Variants in CCDC186 observed in about 807,000 individuals in gnomAD.
CCDC186 encodes the protein coiled-coil domain containing 186.
A neutral mutation model predicts 113.7 loss-of-function variants in CCDC186; 49 were observed. The observed-to-expected ratio is 0.43, with a 90% CI of 0.34 to 0.55. The LOEUF is 0.55. CCDC186 is among the 20% of genes least tolerant of loss of function. CCDC186 has a pLI of 0.02. For synonymous variants in CCDC186, 355 were observed against 345.8 expected (o/e 1.03, Z -0.30); for missense variants, 890 against 1,011.1 (o/e 0.88, Z 1.62).
At position 114,123,740 on chromosome 10, in the gene CCDC186, C is replaced by T. The variant is rs548784578; in HGVS notation, c.*1403G>A. 1.3e-5 allele frequency: 2 copies of T among 152,184 alleles called. No individual in the cohort carries two copies. Among genetic ancestry groups the T allele is most frequent in the East Asian group, 3.8e-4 (2 of 5,208 alleles). 9.4% of individuals were successfully genotyped at this position (152,184 alleles called of 1,614,324 possible). A position where few individuals can be genotyped will look rare whatever the true frequency, so the allele number is the denominator to read the frequency against. ...CAGAAATATTGATACTACGGCAACA[C>T]TTAAGTGTCTATCTTAAACACTGTA... On this transcript the variant is annotated 3_prime_UTR_variant, in exon 16 of 16. Transcript: ENST00000369287.
Position 114,145,773 on chromosome 10 carries a change from AT to A in CCDC186, c.889-13del. 6.4e-7 allele frequency: 1 copy of A among 1,567,580 alleles called. No individual in the cohort carries two copies. The highest frequency in any genetic ancestry group is 1.2e-5 in the South Asian group (1 of 82,828). On this transcript the variant is annotated splice_polypyrimidine_tract_variant and intron_variant, in intron 4 of 15. Coordinates refer to ENST00000369287, the MANE Select transcript of CCDC186 (RefSeq NM_018017.4). ...CATTTCTTGTTGGCCTTCAAAAAAA[AT>A]ATTACTTAGCATTAATGAAAAATAA...
At chr10:114,131,532 A>G (rs535643018) in intron 11 of CCDC186, among the ~76,000 whole-genome samples, 196 bp from the exon 12 acceptor site, 2 of 152,286 alleles carry the variant, frequency 1.3e-5, no homozygotes, top group African/African-American at 4.8e-5. Context: ...GGAGAATGTC[A>G]TTCTATACAT....
chr10:114,163,493 A>G (rs1484701976), intron 1 of CCDC186, among the ~76,000 whole-genome samples, 164 bp from the exon 2 acceptor site: 1 of 152,202 alleles, frequency 6.6e-6, no homozygotes, highest in African/African-American at 2.4e-5. Flanking sequence ...AGGACAGCTA[A>G]CCCAAGCTGG....
intron 14 of CCDC186, among the ~76,000 whole-genome samples, chr10:114,127,141 T>C (rs1302578148): frequency 6.6e-6 from 1 of 152,196 alleles, no homozygotes; most frequent in African/African-American, 2.4e-5. Context: ...CAACCCCATA[T>C]ATACCTCTTA....
intron 3 of CCDC186, among the ~76,000 whole-genome samples, chr10:114,156,596 G>A (rs1272304001): frequency 2.6e-5 from 4 of 152,102 alleles, no homozygotes; most frequent in Non-Finnish European, 4.4e-5. Flanking sequence ...TGTGGTTGGT[G>A]GCCGCCTATA....
chr10:114,130,470 C>T (rs1485948303), intron 12 of CCDC186: 2 of 153,010 alleles, frequency 1.3e-5, no homozygotes, highest in African/African-American at 4.8e-5. Flanking sequence ...GTATCCCAAG[C>T]ATATAGCACA....
At chr10:114,151,023 G>A (rs927825748) in intron 4 of CCDC186, 69 bp downstream of exon 4, 31 of 1,564,566 alleles carry the variant, frequency 2.0e-5, no homozygotes, top group Non-Finnish European at 2.5e-5. Flanking sequence ...GTCTAACAGT[G>A]TTAGCTTATT....
At chr10:114,143,228 T>C (rs1006025728) in intron 6 of CCDC186, among the ~76,000 whole-genome samples, 1 of 152,208 alleles carries the variant, frequency 6.6e-6, no homozygotes, top group African/African-American at 2.4e-5. Flanking sequence ...AAGCTGCCAT[T>C]AAGATCTCTT....
chr10:114,173,962 C>T, intron 1 of CCDC186, 53 bp downstream of exon 1: 1 of 461,690 alleles, frequency 2.2e-6, no homozygotes, highest in Non-Finnish European at 4.4e-6. Context: ...GCAGCCCCAC[C>T]GCACCGCCAC....
intron 3 of CCDC186, among the ~76,000 whole-genome samples, chr10:114,153,187 T>C (rs1417396717): frequency 6.6e-6 from 1 of 152,182 alleles, no homozygotes; most frequent in Non-Finnish European, 1.5e-5. Context: ...ACATGGAATA[T>C]TCCATGACAG....
At chr10:114,160,610 T>C (rs891406685) in intron 2 of CCDC186, among the ~76,000 whole-genome samples, 2 of 115,264 alleles carry the variant, frequency 1.7e-5, no homozygotes, top group African/African-American at 3.4e-5. Context: ...TCACGATGTA[T>C]ATCAAATCAT....
Position 114,126,117 on chromosome 10 carries a change from A to G in CCDC186, c.2394-12T>C. 6.2e-7 allele frequency: 1 copy of G among 1,604,934 alleles called. No individual in the cohort carries two copies. Among genetic ancestry groups the G allele is most frequent in the Non-Finnish European group, 8.5e-7 (1 of 1,172,204 alleles). On this transcript the variant is annotated splice_polypyrimidine_tract_variant and intron_variant, in intron 14 of 15. Transcript: ENST00000369287. ...AACTTTGAATTATTCTGCAAAACAA[A>G]ATGATAGTATCAGTTGTGTACTTGT...
At chr10:114,161,838 G>A (rs535448172) in intron 2 of CCDC186, 28 of 152,258 alleles carry the variant, frequency 1.8e-4, no homozygotes, top group Non-Finnish European at 4.1e-4. Context: ...TACATACAAT[G>A]CAATATTATT....
chr10:114,127,553 C>T lies in CCDC186; in HGVS notation c.2301G>A (p.Arg767=), dbSNP rs768583958. 6.8e-6 allele frequency: 11 copies of T among 1,613,842 alleles called. No individual in the cohort carries two copies. Among genetic ancestry groups the T allele is most frequent in the Non-Finnish European group, 9.3e-6 (11 of 1,179,984 alleles). Residue 767 remains arginine (R), a synonymous_variant, in exon 14 of 16, where the codon AGG becomes AGA. Transcript: ENST00000369287. ...TTTTCCGGGCATGTGCTTTTTGCAGCCTAACTATTCTCTCAATCAACATGG... is the reference window on the plus strand; with the variant it reads ...TTTTCCGGGCATGTGCTTTTTGCAGTCTAACTATTCTCTCAATCAACATGG... ...DKAMLIERIV[R]LQKAHARKNE...
chr10:114,162,850 G>A lies in CCDC186; in HGVS notation c.419C>T (p.Pro140Leu). The part of the protein sequence containing the change: ...SANEKTYSES[P>L]YDTDCTKKFI... ...TTTCTTGGTGCAGTCTGTATCATAGGGGCTTTCTGAATAAGTCTTTTCATT... is the reference window on the plus strand; with the variant it reads ...TTTCTTGGTGCAGTCTGTATCATAGAGGCTTTCTGAATAAGTCTTTTCATT... Residue 140 changes from proline (P) to leucine (L), a missense_variant, in exon 2 of 16, where the codon CCC becomes CTC. Coordinates refer to ENST00000369287, the MANE Select transcript of CCDC186 (RefSeq NM_018017.4). The A allele has an allele frequency of 1.9e-6, 3 of 1,613,880 alleles. No individual in the cohort carries two copies. The highest frequency in any genetic ancestry group is 1.1e-5 in the South Asian group (1 of 91,046).
At chr10:114,138,102 T>C (rs1222101542) in intron 6 of CCDC186, among the ~76,000 whole-genome samples, 1 of 114,938 alleles carries the variant, frequency 8.7e-6, no homozygotes, top group African/African-American at 3.2e-5. Flanking sequence ...TAGCCAGGCA[T>C]GGTGGTGGGC....
intron 15 of CCDC186, 108 bp from the exon 16 acceptor site, chr10:114,125,334 G>A: frequency 2.7e-6 from 2 of 731,124 alleles, no homozygotes; most frequent in Non-Finnish European, 4.5e-6. Context: ...TGAAAGAGTG[G>A]TTAGTCCTAA....
At chr10:114,164,120 T>A (rs1223639226) in intron 1 of CCDC186, among the ~76,000 whole-genome samples, 1 of 133,348 alleles carries the variant, frequency 7.5e-6, no homozygotes, top group Non-Finnish European at 1.6e-5. Context: ...ATATATTTTT[T>A]TTTTTTTTTT....
intron 1 of CCDC186, among the ~76,000 whole-genome samples, chr10:114,166,077 A>G (rs77340715): frequency 0.011 from 1,604 of 152,258 alleles, 20 homozygotes; most frequent in African/African-American, 0.037. Context: ...AAAGGACTGC[A>G]CTGCAGAGGA....
Sources: gnomAD v4.1 joint callset for allele counts (sites outside exome capture counted in the v4.1 genomes callset) on GRCh38, gnomAD v4.1.1 for gene constraint, MANE v1.5 for transcripts, NCBI Gene and HGNC (gene_info 2026-07-23, HGNC 2026-07-21) for gene names.